The following AP2B1 variants were observed in gnomAD, a reference collection of about 807,000 sequenced individuals.
AP2B1 encodes the protein AP-2 complex subunit beta.
A neutral mutation model predicts 102.0 loss-of-function variants in AP2B1; 23 were observed. The observed-to-expected ratio is 0.23, with a 90% confidence interval of 0.16 to 0.32. AP2B1 has a LOEUF of 0.32. AP2B1 is among the 10% of genes least tolerant of loss of function. The pLI is 1.00. For synonymous variants in AP2B1, 381 were observed against 421.2 expected (o/e 0.90, Z 1.17); for missense variants, 541 against 1,157.4 (o/e 0.47, Z 7.73).
At chr17:35,654,972 G>A (rs2075181025) in intron 13 of AP2B1, among the ~76,000 whole-genome samples, 1 of 152,118 alleles carries the variant, frequency 6.6e-6, no homozygotes, top group South Asian at 2.1e-4. Flanking sequence ...TGGTAAACAA[G>A]CTGGGTAAGA....
intron 18 of AP2B1, among the ~76,000 whole-genome samples, chr17:35,703,579 A>G (rs923924132): frequency 1.3e-5 from 2 of 152,194 alleles, no homozygotes; most frequent in African/African-American, 4.8e-5. Flanking sequence ...TAACACAGGA[A>G]CATAAAACCA....
chr17:35,682,917 GC>G, intron 18 of AP2B1, 93 bp downstream of exon 18: 1 of 1,254,776 alleles, frequency 8.0e-7, no homozygotes, highest in Non-Finnish European at 1.1e-6. Context: ...TTACTCTGTT[GC>G]CCAGGCTGGA....
At chr17:35,700,635 A>T in intron 18 of AP2B1, among the ~76,000 whole-genome samples, 1 of 152,024 alleles carries the variant, frequency 6.6e-6, no homozygotes, top group East Asian at 1.9e-4. Flanking sequence ...TTCATGTTAT[A>T]CCTTTTTATA....
intron 5 of AP2B1, among the ~76,000 whole-genome samples, chr17:35,619,753 A>C (rs1375155790): frequency 6.6e-6 from 1 of 152,148 alleles, no homozygotes; most frequent in Non-Finnish European, 1.5e-5. Flanking sequence ...TTGGGAGGCA[A>C]GATGAATAAA....
At chr17:35,646,688 A>G (rs1384923204) in intron 12 of AP2B1, among the ~76,000 whole-genome samples, 1 of 150,320 alleles carries the variant, frequency 6.7e-6, no homozygotes, top group Non-Finnish European at 1.5e-5. Context: ...TCCTGGGTTC[A>G]AGTGATTCTC....
rs2076404539 is a variant in AP2B1 at position 35,709,404 on chromosome 17, G to GT, written c.2539+98dup. 3.0e-6 allele frequency: 3 copies of GT among 1,014,268 alleles called. No individual in the cohort carries two copies. In the African/African-American group the frequency reaches 4.8e-5, roughly 16 times the overall value. The allele number at this position is 1,014,268 out of a possible 1,614,324, so 62.8% of individuals were successfully genotyped here. On this transcript the variant is annotated intron_variant, in intron 19 of 21. Transcript: ENST00000610402. ...CCCAGAAGTTTTGAGTTATTTTGAG[G>GT]TTAAAAAAAAATGGGTTAAGGATAT...
At position 35,710,253 on chromosome 17, in the gene AP2B1, A is replaced by G. The variant is rs782187113; in HGVS notation, c.2559A>G (p.Ala853=). 1 of 1,613,610 alleles carries G rather than the reference A, an allele frequency of 6.2e-7. No individual in the cohort carries two copies. The highest frequency in any genetic ancestry group is 1.1e-5 in the South Asian group (1 of 91,026). ...DGKMERQVFL[A]TWKDIPNENE... is the part of the protein sequence containing the mutation. ...ATACAGAGCGCCAGGTCTTCCTTGCAACATGGAAGGATATTCCCAATGAAA... is the reference window on the plus strand; with the variant it reads ...ATACAGAGCGCCAGGTCTTCCTTGCGACATGGAAGGATATTCCCAATGAAA... The change falls in exon 20 of 22, where the codon GCA becomes GCG. Residue 853 remains alanine, a synonymous_variant. Coordinates refer to ENST00000610402, the MANE Select transcript of AP2B1 (RefSeq NM_001030006.2).
chr17:35,664,717 T>A (rs1258224390), intron 14 of AP2B1, among the ~76,000 whole-genome samples: 1 of 152,206 alleles, frequency 6.6e-6, no homozygotes, highest in African/African-American at 2.4e-5. Context: ...GAATGGTCCT[T>A]GCAACCTTAC....
intron 18 of AP2B1, among the ~76,000 whole-genome samples, chr17:35,704,272 A>T (rs2076296763): frequency 2.0e-5 from 3 of 152,086 alleles, no homozygotes; most frequent in Admixed American, 2.0e-4. Flanking sequence ...CTTTCTTAGC[A>T]TGTAGATATT....
chr17:35,718,509 G>A (rs1250686291), intron 21 of AP2B1, among the ~76,000 whole-genome samples: 2 of 151,718 alleles, frequency 1.3e-5, no homozygotes, highest in Admixed American at 1.3e-4. Context: ...CATTTATCTT[G>A]AGTTTCCCAA....
Position 35,671,744 on chromosome 17 carries a change from T to TTTTTTTG in AP2B1, c.2032-10_2032-9insTTTTTTG. 1 of 1,612,590 alleles carries TTTTTTTG rather than the reference T, an allele frequency of 6.2e-7. No individual in the cohort carries two copies. Among genetic ancestry groups the TTTTTTTG allele is most frequent in the Non-Finnish European group, 8.5e-7 (1 of 1,179,424 alleles). On this transcript the variant is annotated splice_polypyrimidine_tract_variant and intron_variant, in intron 15 of 21. Coordinates refer to ENST00000610402, the MANE Select transcript of AP2B1 (RefSeq NM_001030006.2). ...CAATCTCCCCTCTCCCTTTTTTTTT[T>TTTTTTTG]CTCCTGCAGGTGGGACAATCCTTCA... is the stretch of plus-strand genomic sequence containing the variant.
rs116565128 is a variant in AP2B1, at chr17:35,675,195, A to G, written c.2324+874A>G. On this transcript the variant is annotated intron_variant, in intron 17 of 21. Transcript: ENST00000610402. ...AATGTCTTATTCTTTTTGAAACATC[A>G]GTGGGTTTTATTCAGTTTTATGGTT... 2.4e-3 allele frequency among the ~76,000 whole-genome samples: 373 copies of G among 152,350 alleles called. 1 individual carries two copies. The highest frequency in any genetic ancestry group is 8.6e-3 in the African/African-American group (359 of 41,580).
At chr17:35,603,298 G>T (rs2073552231) in intron 3 of AP2B1, among the ~76,000 whole-genome samples, 1 of 152,010 alleles carries the variant, frequency 6.6e-6, no homozygotes, top group Non-Finnish European at 1.5e-5. Context: ...AATGTATAAG[G>T]TACTTTGATA....
At chr17:35,649,710 G>A (rs1049929021) in intron 12 of AP2B1, among the ~76,000 whole-genome samples, 10 of 152,170 alleles carry the variant, frequency 6.6e-5, no homozygotes, top group African/African-American at 1.9e-4. Context: ...TACATCCCTT[G>A]AAACATTAGA....
At chr17:35,608,474 A>G (rs1040900641) in intron 5 of AP2B1, 87 bp downstream of exon 5, 22 of 1,471,512 alleles carry the variant, frequency 1.5e-5, no homozygotes, top group Non-Finnish European at 2.1e-5. Context: ...TGTCTTTGGA[A>G]TACTGGGTTA....
At chr17:35,709,158 G>A (rs373759825) in intron 18 of AP2B1, 66 bp from the exon 19 acceptor site, 33 of 1,361,166 alleles carry the variant, frequency 2.4e-5, no homozygotes, top group South Asian at 3.5e-5. Context: ...TAGACACAGC[G>A]CTGTTCTTTT....
rs1387061715 is a variant in AP2B1 at position 35,608,308 on chromosome 17, A to G, written c.446A>G (p.His149Arg). 4.3e-6 allele frequency: 7 copies of G among 1,614,102 alleles called. No individual in the cohort carries two copies. Among genetic ancestry groups the G allele is most frequent in the African/African-American group, 2.7e-5 (2 of 74,942 alleles). ...GCAGCAGTCTGCGTGGCAAAACTCC[A>G]TGATATCAATGCCCAAATGGTGGAA... ...KTAAVCVAKL[H>R]DINAQMVEDQ... The change falls in exon 5 of 22, where the codon CAT becomes CGT. Residue 149 changes from histidine (H) to arginine (R), a missense_variant. By Grantham distance (29) the His-to-Arg change is conservative (BLOSUM62 0). Transcript: ENST00000610402.
intron 3 of AP2B1, among the ~76,000 whole-genome samples, chr17:35,602,258 T>C (rs574367368): frequency 4.6e-5 from 7 of 152,186 alleles, no homozygotes; most frequent in Non-Finnish European, 7.3e-5. Flanking sequence ...AATATACTTA[T>C]GTAATTAGGC....
chr17:35,596,800 G>GCCCCCGCAGCGCTGCCAGGC, intron 2 of AP2B1: 1 of 622,080 alleles, frequency 1.6e-6, no homozygotes. Context: ...AGCTGCATGG[G>GCCCCCGCAGCGCTGCCAGGC]CCCCCGCAGC....
Sources: gnomAD v4.1 joint callset for allele counts (sites outside exome capture counted in the v4.1 genomes callset) on GRCh38, gnomAD v4.1.1 for gene constraint, MANE v1.5 for transcripts, NCBI Gene and HGNC (gene_info 2026-07-23, HGNC 2026-07-21) for gene names.